NALF1: variants seen among roughly 807,000 people sequenced by gnomAD.
NALF1 encodes family with sequence similarity 155 member A.
A neutral mutation model predicts 48.4 loss-of-function variants in NALF1; 3 were observed. The ratio of observed to expected loss-of-function variants is 0.06; its 90% CI spans 0.03 to 0.16. The LOEUF (loss-of-function observed/expected upper bound fraction) is 0.16, where lower values mean the gene tolerates loss of function less well. Ranked by LOEUF, NALF1 falls within the 10% of genes least tolerant of loss-of-function variation. NALF1 has a pLI of 1.00. For synonymous variants in NALF1, 262 were observed against 245.7 expected, an observed-to-expected ratio of 1.07 and a Z score of -0.62; for missense variants, 526 against 571.5, an observed-to-expected ratio of 0.92 and a Z score of 0.81.
intron 1 of NALF1, among the ~76,000 whole-genome samples, chr13:107,368,408 C>T (rs1883189634): frequency 6.6e-6 from 1 of 151,890 alleles, no homozygotes. Flanking sequence ...CCTCCTGCCT[C>T]AGCCTCCTGC....
chr13:107,775,980 C>A (rs1041975565), intron 1 of NALF1, among the ~76,000 whole-genome samples: 9 of 152,152 alleles, frequency 5.9e-5, no homozygotes, highest in Non-Finnish European at 1.0e-4. Context: ...CCTAAAATCA[C>A]CCTAAAGTGA....
At chr13:107,297,402 T>C (rs970582872) in intron 1 of NALF1, among the ~76,000 whole-genome samples, 2 of 152,206 alleles carry the variant, frequency 1.3e-5, no homozygotes, top group African/African-American at 4.8e-5. Context: ...CTGAGTCTCA[T>C]TTTTTGCTCT....
chr13:107,314,883 G>A (rs1292938239), intron 1 of NALF1, among the ~76,000 whole-genome samples: 3 of 152,112 alleles, frequency 2.0e-5, no homozygotes, highest in African/African-American at 7.2e-5. Context: ...TTCAAATAGT[G>A]GAATCCAAGC....
chr13:107,769,655 C>G (rs1877519540), intron 1 of NALF1, among the ~76,000 whole-genome samples: 1 of 146,158 alleles, frequency 6.8e-6, no homozygotes, highest in Non-Finnish European at 1.5e-5. Flanking sequence ...CTAACCTGCA[C>G]AATGTGCACA....
At chr13:107,764,927 A>T (rs1402872021) in intron 1 of NALF1, among the ~76,000 whole-genome samples, 1 of 152,202 alleles carries the variant, frequency 6.6e-6, no homozygotes, top group East Asian at 1.9e-4. Flanking sequence ...CAGATTTTAA[A>T]GTAATTTATC....
At chr13:107,528,303 ATAAG>A (rs1291341836) in intron 1 of NALF1, among the ~76,000 whole-genome samples, 1 of 152,172 alleles carries the variant, frequency 6.6e-6, no homozygotes, top group Non-Finnish European at 1.5e-5. Flanking sequence ...TTATGTCATA[ATAAG>A]TAAGTTAAAA....
chr13:107,281,133 A>G (rs1019639936), intron 1 of NALF1, among the ~76,000 whole-genome samples: 11 of 152,188 alleles, frequency 7.2e-5, no homozygotes, highest in African/African-American at 2.4e-4. Context: ...AGTGCTCGAC[A>G]CATGCAAGGT....
chr13:107,517,255 G>T (rs1876086307), intron 1 of NALF1, among the ~76,000 whole-genome samples: 1 of 151,832 alleles, frequency 6.6e-6, no homozygotes, highest in African/African-American at 2.4e-5. Context: ...AAAACTAAAA[G>T]AAAAGAAAAA....
chr13:107,449,222 C>A (rs1291997030), intron 1 of NALF1, among the ~76,000 whole-genome samples: 1 of 151,856 alleles, frequency 6.6e-6, no homozygotes, highest in African/African-American at 2.4e-5. Flanking sequence ...CCAGCCTGGG[C>A]AACAGGGTGA....
chr13:107,715,962 G>A (rs1232409766), intron 1 of NALF1, among the ~76,000 whole-genome samples: 1 of 152,188 alleles, frequency 6.6e-6, no homozygotes, highest in Non-Finnish European at 1.5e-5. Context: ...AGTTAAAGAG[G>A]ATGGTATGCT....
intron 1 of NALF1, among the ~76,000 whole-genome samples, chr13:107,699,897 C>A (rs2138510659): frequency 6.6e-6 from 1 of 152,004 alleles, no homozygotes; most frequent in East Asian, 1.9e-4. Flanking sequence ...AAGAAACAAT[C>A]CCATTTATAA....
intron 1 of NALF1, among the ~76,000 whole-genome samples, chr13:107,568,555 ACGTATCCACTAG>A (rs1877884735): frequency 6.6e-6 from 1 of 152,356 alleles, no homozygotes; most frequent in East Asian, 1.9e-4. Context: ...GTACCATTTT[ACGTATCCACTAG>A]CACTATATGA....
At chr13:107,386,154 T>C (rs1369617942) in intron 1 of NALF1, among the ~76,000 whole-genome samples, 1 of 152,226 alleles carries the variant, frequency 6.6e-6, no homozygotes, top group Non-Finnish European at 1.5e-5. Context: ...TAGTGAGAAC[T>C]TGTTTAGTAA....
intron 1 of NALF1, among the ~76,000 whole-genome samples, chr13:107,398,386 CA>C (rs11369345): frequency 0.036 from 4,570 of 128,368 alleles, 75 homozygotes; most frequent in Middle Eastern, 0.071. Flanking sequence ...AACAAACATC[CA>C]AAAAAAAAAA....
intron 1 of NALF1, among the ~76,000 whole-genome samples, chr13:107,292,771 A>G (rs912914332): frequency 1.3e-5 from 2 of 152,238 alleles, no homozygotes; most frequent in African/African-American, 4.8e-5. Context: ...ATGAAAAAAT[A>G]TAGCAAATAT....
chr13:107,736,731 A>G (rs1385461956), intron 1 of NALF1, among the ~76,000 whole-genome samples: 1 of 152,212 alleles, frequency 6.6e-6, no homozygotes, highest in Non-Finnish European at 1.5e-5. Context: ...CAAGTTACGG[A>G]AAAAGCCAGA....
chr13:107,238,516 A>G (rs1489417435), intron 1 of NALF1, among the ~76,000 whole-genome samples: 4 of 152,172 alleles, frequency 2.6e-5, no homozygotes, highest in Non-Finnish European at 4.4e-5. Context: ...AGTGTGACAA[A>G]GACAGTACCC....
intron 1 of NALF1, among the ~76,000 whole-genome samples, chr13:107,405,747 A>G (rs1052582759): frequency 1.3e-5 from 2 of 152,028 alleles, no homozygotes; most frequent in African/African-American, 4.8e-5. Flanking sequence ...TGAGAGGACC[A>G]TAAAGCACTA....
chr13:107,782,936 G>A lies in NALF1; in HGVS notation c.915+82746C>T, dbSNP rs1479410022. ...AGGAGGGAGGTGGGGGTCACCCCCCGCCCGGCCAGCCGCCCCGTCCGGGAG... is the reference window on the plus strand; with the variant it reads ...AGGAGGGAGGTGGGGGTCACCCCCCACCCGGCCAGCCGCCCCGTCCGGGAG... On this transcript the variant is annotated intron_variant, in intron 1 of 2. Coordinates refer to ENST00000375915, the MANE Select transcript of NALF1 (RefSeq NM_001080396.3). Among the ~76,000 whole-genome samples the A allele has an allele frequency of 2.0e-3, 298 of 146,370 alleles. 4 individuals are homozygous for A. The highest frequency in any genetic ancestry group is 3.6e-3 in the Non-Finnish European group (242 of 66,394).
Sources: allele counts gnomAD v4.1 joint callset (sites outside exome capture counted in the v4.1 genomes callset), GRCh38; gene constraint gnomAD v4.1.1; transcripts MANE v1.5; gene names NCBI Gene and HGNC (gene_info 2026-07-23, HGNC 2026-07-21).